Variants in NCAM1 observed in about 807,000 individuals in gnomAD.
NCAM1 encodes antigen recognized by monoclonal antibody 5.1H11.
NCAM1 carries 14 observed loss-of-function variants against 109.8 expected under a neutral mutation model. The ratio of observed to expected loss-of-function variants is 0.13; its 90% CI spans 0.08 to 0.20. The LOEUF (loss-of-function observed/expected upper bound fraction) is 0.20. Ranked by LOEUF, NCAM1 falls within the 10% of genes least tolerant of loss-of-function variation. NCAM1 has a pLI of 1.00. For synonymous variants in NCAM1, 418 were observed against 442.9 expected (o/e 0.94, Z 0.70); for missense variants, 774 against 1,109.9 (o/e 0.70, Z 4.30).
chr11:113,048,298 T>C (rs1953343148), intron 1 of NCAM1, among the ~76,000 whole-genome samples: 1 of 152,202 alleles, frequency 6.6e-6, no homozygotes, highest in African/African-American at 2.4e-5. Flanking sequence ...AAACAATGGG[T>C]ATTTAGGTGG....
At chr11:113,192,415 G>A (rs1199738177) in intron 1 of NCAM1, among the ~76,000 whole-genome samples, 2 of 43,188 alleles carry the variant, frequency 4.6e-5, no homozygotes, top group Non-Finnish European at 8.9e-5. Context: ...ACAAGGGAAA[G>A]AACAGGAAAG....
chr11:113,003,645 C>T (rs1951813872), intron 1 of NCAM1, among the ~76,000 whole-genome samples: 1 of 152,168 alleles, frequency 6.6e-6, no homozygotes, highest in Admixed American at 6.5e-5. Flanking sequence ...TTAGTGCTTT[C>T]TGCTAAGCCA....
chr11:113,043,960 A>G (rs1398371443), intron 1 of NCAM1, among the ~76,000 whole-genome samples: 9 of 147,044 alleles, frequency 6.1e-5, no homozygotes, highest in Non-Finnish European at 1.0e-4. Context: ...TTTTTTTTCG[A>G]TTACACAGCA....
chr11:113,272,042 AC>A (rs1301448875), intron 19 of NCAM1, among the ~76,000 whole-genome samples, 166 bp downstream of exon 19: 1 of 151,246 alleles, frequency 6.6e-6, no homozygotes, highest in African/African-American at 2.4e-5. Flanking sequence ...GAAATGCCTG[AC>A]CTCAGGCATT....
chr11:113,161,919 A>AT (rs1415600237), intron 1 of NCAM1, among the ~76,000 whole-genome samples: 1 of 151,866 alleles, frequency 6.6e-6, no homozygotes, highest in Non-Finnish European at 1.5e-5. Context: ...CCCTGAACTG[A>AT]TTTTTTTTCC....
chr11:113,000,252 G>T (rs1951710332), intron 1 of NCAM1, among the ~76,000 whole-genome samples: 1 of 152,178 alleles, frequency 6.6e-6, no homozygotes, highest in African/African-American at 2.4e-5. Context: ...AAAGGAAGTA[G>T]TCCTTGATCT....
At position 113,193,031 on chromosome 11, in the gene NCAM1, T is replaced by C. The variant is rs140157089; in HGVS notation, c.53-9348T>C. On this transcript the variant is annotated intron_variant, in intron 1 of 19. Transcript: ENST00000316851. Reference sequence around the variant, plus strand: ...ACATTCCTGCCTTCACCTGTTGTGTTCTATATAAGACTGGGCTGATGTCCA... The same window carrying C: ...ACATTCCTGCCTTCACCTGTTGTGTCCTATATAAGACTGGGCTGATGTCCA... 4.7e-3 allele frequency among the ~76,000 whole-genome samples: 717 copies of C among 152,316 alleles called. 4 individuals are homozygous for C. The highest frequency in any genetic ancestry group is 7.9e-3 in the Non-Finnish European group (540 of 68,034).
At position 113,277,515 on chromosome 11, in the gene NCAM1, G is replaced by A. The variant is rs1946421601; in HGVS notation, c.*2128G>A. The A allele has an allele frequency of 5.0e-6, 2 of 398,464 alleles. No homozygotes were observed. Among genetic ancestry groups the A allele is most frequent in the East Asian group, 3.6e-5 (1 of 28,062 alleles). 24.7% of individuals were successfully genotyped at this position (398,464 alleles called of 1,614,324 possible). On this transcript the variant is annotated 3_prime_UTR_variant, in exon 20 of 20. Coordinates refer to ENST00000316851, the MANE Select transcript of NCAM1 (RefSeq NM_181351.5). The stretch of plus-strand genomic sequence containing the variant: ...TGTGAGAGCCTGGGTGTCTGAGACC[G>A]GGAGGGCCCAGCAGTGAGGGGCAGG...
intron 1 of NCAM1, among the ~76,000 whole-genome samples, chr11:113,115,882 A>C (rs1268059750): frequency 2.6e-5 from 4 of 152,190 alleles, no homozygotes; most frequent in African/African-American, 9.7e-5. Flanking sequence ...ACATGACATA[A>C]AACTTGCCAT....
At chr11:113,109,869 G>A (rs1940366235) in intron 1 of NCAM1, among the ~76,000 whole-genome samples, 1 of 152,136 alleles carries the variant, frequency 6.6e-6, no homozygotes, top group Non-Finnish European at 1.5e-5. Flanking sequence ...GTGTGGACCT[G>A]ATGTTTGGGA....
chr11:113,066,793 G>A (rs1937980210), intron 1 of NCAM1, among the ~76,000 whole-genome samples: 1 of 152,006 alleles, frequency 6.6e-6, no homozygotes, highest in Admixed American at 6.5e-5. Context: ...GAGGTCAGGA[G>A]ATCGAGACCA....
intron 1 of NCAM1, among the ~76,000 whole-genome samples, chr11:112,972,347 T>TA (rs1950906997): frequency 6.6e-6 from 1 of 152,128 alleles, no homozygotes; most frequent in Non-Finnish European, 1.5e-5. Context: ...GCGGGGTTTT[T>TA]ATCACGCCCA....
chr11:113,100,267 A>G (rs1356851767), intron 1 of NCAM1, among the ~76,000 whole-genome samples: 1 of 152,186 alleles, frequency 6.6e-6, no homozygotes, highest in East Asian at 1.9e-4. Context: ...AGGGGAGCAC[A>G]CAAGCAAGTG....
intron 1 of NCAM1, among the ~76,000 whole-genome samples, chr11:113,090,677 T>C (rs1939303589): frequency 6.6e-6 from 1 of 152,170 alleles, no homozygotes; most frequent in African/African-American, 2.4e-5. Context: ...AGGGAAAGGA[T>C]AAAAGGGAGA....
chr11:113,162,181 G>A (rs1038886954), intron 1 of NCAM1, among the ~76,000 whole-genome samples: 1 of 152,182 alleles, frequency 6.6e-6, no homozygotes, highest in Non-Finnish European at 1.5e-5. Flanking sequence ...ATTGCTACAG[G>A]AACAAGGCCA....
intron 1 of NCAM1, among the ~76,000 whole-genome samples, chr11:112,988,152 C>T (rs761527741): frequency 9.9e-5 from 15 of 152,064 alleles, no homozygotes; most frequent in Non-Finnish European, 2.1e-4. Flanking sequence ...ACTTTGATTG[C>T]ACACAAAACC....
intron 1 of NCAM1, among the ~76,000 whole-genome samples, chr11:113,147,855 G>C (rs1942073591): frequency 6.6e-6 from 1 of 152,168 alleles, no homozygotes; most frequent in Non-Finnish European, 1.5e-5. Context: ...ATTACGCCAT[G>C]AAAAATGCAC....
rs1946423047 is a variant in NCAM1, at chr11:113,277,591, G to C, written c.*2204G>C. 5 of 396,390 alleles carry C rather than the reference G, an allele frequency of 1.3e-5. No homozygotes were observed. The highest frequency in any genetic ancestry group is 4.4e-5 in the Admixed American group (1 of 22,672). The allele number at this position is 396,390 out of a possible 1,614,324, so 24.6% of individuals were successfully genotyped here. A position where few individuals can be genotyped will look rare whatever the true frequency, so the allele number is the denominator to read the frequency against. On this transcript the variant is annotated 3_prime_UTR_variant, in exon 20 of 20. Transcript: ENST00000316851. The stretch of plus-strand genomic sequence containing the variant: ...TGGACTCAGTTCTTCATCTTGTAAT[G>C]TCGATGGCTTTGCCACACCAGGCCA...
chr11:113,231,945 C>T (rs968925732), intron 10 of NCAM1, 150 bp downstream of exon 10: 12 of 1,140,308 alleles, frequency 1.1e-5, no homozygotes, highest in African/African-American at 4.6e-5. Flanking sequence ...GAGCTCTGTT[C>T]CCAAGCCACC....
Sources: allele counts gnomAD v4.1 joint callset (sites outside exome capture counted in the v4.1 genomes callset), GRCh38; gene constraint gnomAD v4.1.1; transcripts MANE v1.5; gene names NCBI Gene and HGNC (gene_info 2026-07-23, HGNC 2026-07-21).